Variants in DENR observed in about 807,000 individuals in gnomAD.
The protein encoded by DENR is density-regulated protein.
In DENR, 6 loss-of-function variants were observed where a neutral mutation model predicts 30.6. The observed-to-expected ratio is 0.20, with a 90% CI of 0.11 to 0.39. DENR has a LOEUF of 0.39. Among genes scored for constraint, DENR ranks in the 10% least tolerant of loss-of-function variants. The pLI is 1.00. For missense variants in DENR, 141 were observed against 230.9 expected, an observed-to-expected ratio of 0.61 and a Z score of 2.52; for synonymous variants, 78 against 72.1, an observed-to-expected ratio of 1.08 and a Z score of -0.41.
At chr12:122,760,347 A>G (rs907730593) in intron 2 of DENR, among the ~76,000 whole-genome samples, 1 of 152,190 alleles carries the variant, frequency 6.6e-6, no homozygotes, top group Non-Finnish European at 1.5e-5. Flanking sequence ...GTGTGTAGTA[A>G]TTGCTGTGAC....
Position 122,762,170 on chromosome 12 carries a change from TC to T in DENR, c.107-16del. On this transcript the variant is annotated splice_polypyrimidine_tract_variant and intron_variant, in intron 2 of 7. Coordinates refer to ENST00000280557, the MANE Select transcript of DENR (RefSeq NM_003677.5). ...TAGGTTTAACATTTCAAATCTTTTT[TC>T]TTTTTACTTCCTCAGTCTGTTCATT... The T allele has an allele frequency of 7.1e-7, 1 of 1,412,164 alleles. No homozygotes were observed. Among genetic ancestry groups the T allele is most frequent in the East Asian group, 2.5e-5 (1 of 39,886 alleles). The allele number at this position is 1,412,164 out of a possible 1,614,324, so 87.5% of individuals were successfully genotyped here. A position where few individuals can be genotyped will look rare whatever the true frequency, so the allele number is the denominator to read the frequency against.
chr12:122,762,219 ATTTT>A lies in DENR; in HGVS notation c.126+21_126+24del. 8.5e-7 allele frequency: 1 copy of A among 1,176,310 alleles called. No homozygotes were observed. The highest frequency in any genetic ancestry group is 1.7e-5 in the South Asian group (1 of 58,786). The allele number at this position is 1,176,310 out of a possible 1,614,324, so 72.9% of individuals were successfully genotyped here. A position where few individuals can be genotyped will look rare whatever the true frequency, so the allele number is the denominator to read the frequency against. ...ATTACCAACAGAGGTAAGTTCTTTA[ATTTT>A]TTTTTTTACCTTATGTATTTGAAGT... On this transcript the variant is annotated intron_variant, in intron 3 of 7. Transcript: ENST00000280557.
intron 4 of DENR, chr12:122,763,196 T>A: frequency 4.0e-6 from 1 of 249,684 alleles, no homozygotes; most frequent in Non-Finnish European, 7.5e-6. Context: ...GGTCAGGAGA[T>A]CAAGATCATC....
At chr12:122,759,963 G>A (rs1429111523) in intron 2 of DENR, among the ~76,000 whole-genome samples, 2 of 152,168 alleles carry the variant, frequency 1.3e-5, no homozygotes. Flanking sequence ...ATGGATTCCA[G>A]TTTTCTTCTG....
In DENR at chr12:122,766,077, C is replaced by T. The variant is rs543679924; in HGVS notation, c.295+690C>T. ...AAAAAAAAAAAAACTCTCCCCAAAGCTCATGTCTTTCTTTACCTTATCCCT... is the reference window on the plus strand; with the variant it reads ...AAAAAAAAAAAAACTCTCCCCAAAGTTCATGTCTTTCTTTACCTTATCCCT... On this transcript the variant is annotated intron_variant, in intron 5 of 7. Coordinates refer to ENST00000280557, the MANE Select transcript of DENR (RefSeq NM_003677.5). 1.6e-3 allele frequency among the ~76,000 whole-genome samples: 247 copies of T among 151,842 alleles called. 4 individuals carry two copies. Among genetic ancestry groups the T allele is most frequent in the African/African-American group, 5.5e-3 (228 of 41,452 alleles).
chr12:122,763,145 T>C (rs1335089709), intron 4 of DENR: 1 of 400,332 alleles, frequency 2.5e-6, no homozygotes, highest in African/African-American at 2.1e-5. Flanking sequence ...CTCACACCTA[T>C]AATCCTAGCA....
chr12:122,758,244 G>A (rs1292710449), intron 2 of DENR, among the ~76,000 whole-genome samples: 1 of 152,100 alleles, frequency 6.6e-6, no homozygotes, highest in Non-Finnish European at 1.5e-5. Context: ...GCTGATTTTT[G>A]TATTTTTAGT....
At chr12:122,760,323 A>C (rs1298050017) in intron 2 of DENR, among the ~76,000 whole-genome samples, 1 of 152,244 alleles carries the variant, frequency 6.6e-6, no homozygotes, top group Non-Finnish European at 1.5e-5. Flanking sequence ...CATTTGGCAC[A>C]TACTAGGTGC....
At position 122,765,340 on chromosome 12, in the gene DENR, G is replaced by A; in HGVS notation, c.248G>A (p.Gly83Asp). 9.0e-6 allele frequency: 14 copies of A among 1,551,990 alleles called. No homozygotes were observed. The highest frequency in any genetic ancestry group is 1.2e-5 in the Non-Finnish European group (14 of 1,147,148). The change falls in exon 5 of 8, where the codon GGT becomes GAT. Residue 83 changes from glycine to aspartate, a missense_variant. Around this residue, in one of 2 missense-constraint regions of DENR, gnomAD observed 104 missense variants for 138.3 expected, o/e 0.75. Coordinates refer to ENST00000280557, the MANE Select transcript of DENR (RefSeq NM_003677.5). ...SPKQEAGISE[G>D]QGTAGEEEEK... ...AAACAAGAAGCTGGAATTAGTGAGG[G>A]TCAAGGAACAGCAGGGGAAGAAGAG...
At chr12:122,763,124 G>A (rs774229917) in intron 4 of DENR, 195 bp downstream of exon 4, 46 of 478,034 alleles carry the variant, frequency 9.6e-5, no homozygotes, top group African/African-American at 5.8e-4. Flanking sequence ...TAAATGGGCC[G>A]GGCGCAGTGG....
intron 2 of DENR, among the ~76,000 whole-genome samples, chr12:122,756,392 T>C (rs1297257230): frequency 6.6e-6 from 1 of 152,078 alleles, no homozygotes; most frequent in East Asian, 1.9e-4. Context: ...GAGATTGCAG[T>C]GAGCCAAGAT....
intron 2 of DENR, among the ~76,000 whole-genome samples, chr12:122,758,376 A>G (rs750097485): frequency 6.6e-6 from 1 of 151,794 alleles, no homozygotes; most frequent in East Asian, 1.9e-4. Context: ...GGCCATTCTG[A>G]TGTGTTCTTA....
At chr12:122,755,503 C>T (rs143575557) in intron 2 of DENR, among the ~76,000 whole-genome samples, 1,847 of 152,066 alleles carry the variant, frequency 0.012, 41 homozygotes, top group African/African-American at 0.042. Flanking sequence ...CACTTGAACC[C>T]GGGAGGCAGA....
rs1312578753 is a variant in DENR at position 122,753,447 on chromosome 12, C to T, written c.-9-246C>T. On this transcript the variant is annotated intron_variant, in intron 1 of 7. Coordinates refer to ENST00000280557, the MANE Select transcript of DENR (RefSeq NM_003677.5). Reference sequence around the variant, plus strand: ...CTTCCCCATTGCTTCCTGTTTTTCTCTAGTGAGTCCCTCTGCCCCATCCTT... The same window carrying T: ...CTTCCCCATTGCTTCCTGTTTTTCTTTAGTGAGTCCCTCTGCCCCATCCTT... 2.0e-5 allele frequency among the ~76,000 whole-genome samples: 3 copies of T among 152,150 alleles called. No individual in the cohort carries two copies. In the East Asian group the frequency reaches 5.8e-4, roughly 29 times the overall value.
At chr12:122,765,489 C>A in intron 5 of DENR, 102 bp downstream of exon 5, 1 of 1,025,252 alleles carries the variant, frequency 9.8e-7, no homozygotes, top group Non-Finnish European at 1.4e-6. Context: ...CAATGGTGGG[C>A]GCCTATAGTC....
In DENR at chr12:122,769,171, T is replaced by C. The variant is rs12301747; in HGVS notation, c.*93T>C. ...TTTAAAATATATATATATATACACA[T>C]ATATATGTATATATACACATATATG... On this transcript the variant is annotated 3_prime_UTR_variant, in exon 8 of 8. Coordinates refer to ENST00000280557, the MANE Select transcript of DENR (RefSeq NM_003677.5). The C allele has an allele frequency of 1.6e-4, 183 of 1,109,464 alleles. No individual in the cohort carries two copies. Among genetic ancestry groups the C allele is most frequent in the Middle Eastern group, 3.4e-4 (1 of 2,974 alleles). The allele number at this position is 1,109,464 out of a possible 1,614,324, so 68.7% of individuals were successfully genotyped here.
intron 2 of DENR, among the ~76,000 whole-genome samples, chr12:122,756,711 G>A (rs1341971134): frequency 6.6e-6 from 1 of 152,176 alleles, no homozygotes; most frequent in Non-Finnish European, 1.5e-5. Flanking sequence ...GTTGTATTGT[G>A]GAATTCATGA....
rs1878688702 is a variant in DENR, at chr12:122,761,130, GGCCAGGTGCGGT to G, written c.107-1055_107-1044del. ...TGAGACCCTTACTCTAAAAAAAATA[GGCCAGGTGCGGT>G]GGCTCATGCCTGTAATCCCAGCACT... On this transcript the variant is annotated intron_variant, in intron 2 of 7. Coordinates refer to ENST00000280557, the MANE Select transcript of DENR (RefSeq NM_003677.5). Among the ~76,000 whole-genome samples, 4 of 152,012 alleles carry G rather than the reference GGCCAGGTGCGGT, an allele frequency of 2.6e-5. No homozygotes were observed. In the South Asian group the frequency reaches 8.3e-4, roughly 31 times the overall value.
chr12:122,763,130 A>T (rs374358917), intron 4 of DENR: 28 of 463,432 alleles, frequency 6.0e-5, no homozygotes, highest in African/African-American at 5.3e-4. Context: ...GGCCGGGCGC[A>T]GTGGCTCACA....
Sources: allele counts gnomAD v4.1 joint callset (sites outside exome capture counted in the v4.1 genomes callset), GRCh38; gene constraint gnomAD v4.1.1; regional missense constraint gnomAD v4.1.1; transcripts MANE v1.5; gene names NCBI Gene and HGNC (gene_info 2026-07-23, HGNC 2026-07-21).